The following KATNAL1 variants were observed in gnomAD, a reference collection of about 807,000 sequenced individuals.
The protein encoded by KATNAL1 is katanin p60 ATPase-containing subunit A-like 1.
A neutral mutation model predicts 55.2 loss-of-function variants in KATNAL1; 32 were observed. The observed-to-expected ratio is 0.58, with a 90% CI of 0.44 to 0.78. The LOEUF (loss-of-function observed/expected upper bound fraction) is 0.78, where lower values mean the gene tolerates loss of function less well. Ranked by LOEUF, KATNAL1 falls within the 30% of genes least tolerant of loss-of-function variation. KATNAL1 has a pLI of 0.00. For missense variants in KATNAL1, 466 were observed against 600.9 expected (o/e 0.78, Z 2.35); for synonymous variants, 193 against 193.6 (o/e 1.00, Z 0.02).
At chr13:30,252,509 TAATA>T (rs1416858512) in intron 4 of KATNAL1, among the ~76,000 whole-genome samples, 1 of 152,140 alleles carries the variant, frequency 6.6e-6, no homozygotes, top group Non-Finnish European at 1.5e-5. Flanking sequence ...AGGCACAAAG[TAATA>T]AATGCATTCT....
intron 1 of KATNAL1, chr13:30,296,509 T>G: frequency 1.4e-6 from 1 of 732,790 alleles, no homozygotes; most frequent in Non-Finnish European, 2.6e-6. Flanking sequence ...GATGAGTGCA[T>G]TGCCTACTGG....
At chr13:30,218,925 A>AT (rs1257823208) in intron 9 of KATNAL1, among the ~76,000 whole-genome samples, 5 of 152,190 alleles carry the variant, frequency 3.3e-5, no homozygotes, top group Non-Finnish European at 5.9e-5. Flanking sequence ...GTCTCATTAA[A>AT]TTTTGGAGTG....
In KATNAL1 at chr13:30,207,935, A is replaced by T. The variant is rs1237242513; in HGVS notation, c.*605T>A. The T allele has an allele frequency of 6.6e-6, 1 of 152,262 alleles. No homozygotes were observed. Among genetic ancestry groups the T allele is most frequent in the Non-Finnish European group, 1.5e-5 (1 of 68,044 alleles). 9.4% of individuals were successfully genotyped at this position (152,262 alleles called of 1,614,324 possible). ...TTCAAATACCACAGAGCGTGAGAAT[A>T]TTCCTCAGTAAAGCTCAAGATATTA... On this transcript the variant is annotated 3_prime_UTR_variant, in exon 11 of 11. Coordinates refer to ENST00000380615, the MANE Select transcript of KATNAL1 (RefSeq NM_032116.5).
chr13:30,264,130 A>T (rs1292400649), intron 3 of KATNAL1, among the ~76,000 whole-genome samples: 1 of 151,608 alleles, frequency 6.6e-6, no homozygotes, highest in East Asian at 1.9e-4. Flanking sequence ...TGGGGAAAGG[A>T]TTCCCTATTT....
intron 1 of KATNAL1, among the ~76,000 whole-genome samples, chr13:30,306,160 A>T (rs1442758667): frequency 6.6e-6 from 1 of 152,212 alleles, no homozygotes; most frequent in African/African-American, 2.4e-5. Flanking sequence ...AAAAATTTTA[A>T]AGGGTCGTCA....
intron 3 of KATNAL1, among the ~76,000 whole-genome samples, chr13:30,261,134 G>A: frequency 6.6e-6 from 1 of 151,832 alleles, no homozygotes. Context: ...TCATAGTGAG[G>A]GAGAAATAAA....
chr13:30,280,772 ATTATT>A (rs1881220510), intron 2 of KATNAL1, among the ~76,000 whole-genome samples: 1 of 152,138 alleles, frequency 6.6e-6, no homozygotes, highest in Non-Finnish European at 1.5e-5. Context: ...CCTTATTTAA[ATTATT>A]TTGAGTTCTG....
Position 30,203,094 on chromosome 13 carries a change from T to C in KATNAL1, c.*5446A>G, listed in dbSNP as rs1343908141. 2 of 152,208 alleles carry C rather than the reference T, an allele frequency of 1.3e-5. No homozygotes were observed. Among genetic ancestry groups the C allele is most frequent in the African/African-American group, 4.8e-5 (2 of 41,448 alleles). 9.4% of individuals were successfully genotyped at this position (152,208 alleles called of 1,614,324 possible). A position where few individuals can be genotyped will look rare whatever the true frequency, so the allele number is the denominator to read the frequency against. Reference sequence around the variant, plus strand: ...ATTTACAAAACTCTAAGAAAATAGATGTGTGTTATGTTTGGAACTGCTGCT... The same window carrying C: ...ATTTACAAAACTCTAAGAAAATAGACGTGTGTTATGTTTGGAACTGCTGCT... On this transcript the variant is annotated 3_prime_UTR_variant, in exon 11 of 11. Transcript: ENST00000380615.
At chr13:30,244,371 T>C (rs1253706821) in intron 4 of KATNAL1, among the ~76,000 whole-genome samples, 3 of 152,190 alleles carry the variant, frequency 2.0e-5, no homozygotes, top group African/African-American at 7.2e-5. Context: ...CTATTGTGAA[T>C]AGTGCTGCAA....
At chr13:30,287,629 CAA>C (rs1566130594) in intron 1 of KATNAL1, among the ~76,000 whole-genome samples, 2 of 152,202 alleles carry the variant, frequency 1.3e-5, no homozygotes, top group Non-Finnish European at 2.9e-5. Context: ...GACAACCACA[CAA>C]AGTGTCATCT....
At chr13:30,280,667 G>C (rs1683642809) in intron 2 of KATNAL1, among the ~76,000 whole-genome samples, 1 of 152,124 alleles carries the variant, frequency 6.6e-6, no homozygotes. Flanking sequence ...CGCCTGTCAT[G>C]AGTGTCTGAA....
intron 10 of KATNAL1, 52 bp from the exon 11 acceptor site, chr13:30,208,790 A>G: frequency 1.7e-6 from 2 of 1,210,826 alleles, no homozygotes; most frequent in Non-Finnish European, 2.3e-6. Flanking sequence ...TGTTTTAAAC[A>G]CTTTCAATTG....
intron 6 of KATNAL1, among the ~76,000 whole-genome samples, chr13:30,238,732 T>C (rs765177465): frequency 2.0e-5 from 3 of 152,148 alleles, no homozygotes; most frequent in Non-Finnish European, 4.4e-5. Context: ...CTGAAAGCTA[T>C]ATGTAACTGC....
intron 9 of KATNAL1, among the ~76,000 whole-genome samples, chr13:30,215,110 G>T (rs924645790): frequency 1.1e-4 from 16 of 150,932 alleles, no homozygotes; most frequent in South Asian, 4.2e-4. Flanking sequence ...AAAAGTGGGC[G>T]AAGGACATGA....
chr13:30,231,977 A>T (rs139726484), intron 6 of KATNAL1, among the ~76,000 whole-genome samples: 1,539 of 152,330 alleles, frequency 0.01, 24 homozygotes, highest in African/African-American at 0.034. Flanking sequence ...AACAGTAAAA[A>T]ATCCAGTGGT....
At position 30,205,188 on chromosome 13, in the gene KATNAL1, C is replaced by T. The variant is rs1002323315; in HGVS notation, c.*3352G>A. The T allele has an allele frequency of 6.6e-6, 1 of 152,134 alleles. No homozygotes were observed. Among genetic ancestry groups the T allele is most frequent in the Non-Finnish European group, 1.5e-5 (1 of 68,006 alleles). The allele number at this position is 152,134 out of a possible 1,614,324, so 9.4% of individuals were successfully genotyped here. ...GGGAAAAAAACTTTTATATATTTTT[C>T]CAAAGCACAAACAGATTACTATGCC... On this transcript the variant is annotated 3_prime_UTR_variant, in exon 11 of 11. Coordinates refer to ENST00000380615, the MANE Select transcript of KATNAL1 (RefSeq NM_032116.5).
At chr13:30,215,579 G>A (rs1244145530) in intron 9 of KATNAL1, among the ~76,000 whole-genome samples, 1 of 152,164 alleles carries the variant, frequency 6.6e-6, no homozygotes, top group Non-Finnish European at 1.5e-5. Flanking sequence ...TATACACCAT[G>A]GAATACTATG....
rs565689900 is a variant in KATNAL1 at position 30,248,256 on chromosome 13, AG to A, written c.493-7171del. On this transcript the variant is annotated intron_variant, in intron 4 of 10. Coordinates refer to ENST00000380615, the MANE Select transcript of KATNAL1 (RefSeq NM_032116.5). ...TCAAAGACTAAGCTGACATTTGCAC[AG>A]GAAAAAAACAACGGTGGGTGAGTAA... 6.4e-4 allele frequency among the ~76,000 whole-genome samples: 97 copies of A among 152,342 alleles called. No homozygotes were observed. In the South Asian group the frequency reaches 0.017, roughly 27 times the overall value.
chr13:30,223,399 G>A (rs1875108193), intron 9 of KATNAL1, among the ~76,000 whole-genome samples: 1 of 124,262 alleles, frequency 8.0e-6, no homozygotes, highest in African/African-American at 3.1e-5. Flanking sequence ...CCCAGATCCT[G>A]CCACTGCACT....
Sources: gnomAD v4.1 joint callset for allele counts (sites outside exome capture counted in the v4.1 genomes callset) on GRCh38, gnomAD v4.1.1 for gene constraint, MANE v1.5 for transcripts, NCBI Gene and HGNC (gene_info 2026-07-23, HGNC 2026-07-21) for gene names.